Variants in MPRIP observed in about 807,000 individuals in gnomAD.
MPRIP encodes myosin phosphatase Rho-interacting protein.
In MPRIP, 59 loss-of-function variants were observed where a neutral mutation model predicts 234.9. The ratio of observed to expected loss-of-function variants is 0.25; its 90% CI spans 0.20 to 0.31. MPRIP has a LOEUF of 0.31. MPRIP is among the 10% of genes least tolerant of loss of function. MPRIP has a pLI of 1.00. For missense variants in MPRIP, 2,436 were observed against 3,071.0 expected (o/e 0.79, Z 4.89); for synonymous variants, 1,144 against 1,263.9 (o/e 0.91, Z 2.01).
rs1490596748 is a variant in MPRIP, at chr17:17,158,511, C to G, written c.1909C>G (p.Leu637Val). The G allele has an allele frequency of 6.2e-7, 1 of 1,611,406 alleles. No homozygotes were observed. The highest frequency in any genetic ancestry group is 2.2e-5 in the East Asian group (1 of 44,896). Residue 637 changes from leucine to valine, a missense_variant, in exon 14 of 24, where the codon CTG becomes GTG. Around this residue, in one of 4 missense-constraint regions of MPRIP, gnomAD observed 1,998 missense variants for 2,520.3 expected, o/e 0.79. Coordinates refer to ENST00000651222, the MANE Select transcript of MPRIP (RefSeq NM_001364716.4). ...PRPTEKQEAE[L>V]GEPDPEQKRS... ...GCCTACTGAGAAGCAAGAGGCAGAGCTGGGGGAGCCGGACCCTGAGCAGAA... is the reference window on the plus strand; with the variant it reads ...GCCTACTGAGAAGCAAGAGGCAGAGGTGGGGGAGCCGGACCCTGAGCAGAA...
At position 17,136,294 on chromosome 17, in the gene MPRIP, G is replaced by A; in HGVS notation, c.580G>A (p.Glu194Lys). Reference sequence around the variant, plus strand: ...CAGCAGCAGCAGCATCCCCAGTGCTGAGAAAGTCCCCACCACCAAGTCCAC... The same window carrying A: ...CAGCAGCAGCAGCATCCCCAGTGCTAAGAAAGTCCCCACCACCAAGTCCAC... ...SSSSSSIPSA[E>K]KVPTTKSTLW... Residue 194 changes from glutamate to lysine, a missense_variant, in exon 6 of 24, where the codon GAG (glutamate) becomes AAG (lysine). Around this residue, in one of 4 missense-constraint regions of MPRIP, gnomAD observed 31 missense variants for 90.7 expected, o/e 0.34. Coordinates refer to ENST00000651222, the MANE Select transcript of MPRIP (RefSeq NM_001364716.4). 6.2e-7 allele frequency: 1 copy of A among 1,613,412 alleles called. No individual in the cohort carries two copies. Among genetic ancestry groups the A allele is most frequent in the Non-Finnish European group, 8.5e-7 (1 of 1,179,756 alleles).
intron 12 of MPRIP, among the ~76,000 whole-genome samples, chr17:17,151,230 C>T (rs1311848874): frequency 2.6e-5 from 4 of 152,066 alleles, no homozygotes. Flanking sequence ...CCTTCAGTTT[C>T]AAAAATTCAC....
At chr17:17,171,967 T>C (rs142726858) in intron 17 of MPRIP, 102 bp downstream of exon 17, 9 of 1,325,204 alleles carry the variant, frequency 6.8e-6, no homozygotes, top group Middle Eastern at 1.9e-4. Flanking sequence ...GCCTTTTGGC[T>C]GAGATGTAAA....
intron 23 of MPRIP, among the ~76,000 whole-genome samples, chr17:17,183,670 C>T (rs1416313554): frequency 6.6e-6 from 1 of 152,214 alleles, no homozygotes; most frequent in Non-Finnish European, 1.5e-5. Flanking sequence ...TGGAGCTCCC[C>T]CTTCCCTTGA....
At chr17:17,132,927 C>T (rs2090625990) in intron 5 of MPRIP, among the ~76,000 whole-genome samples, 1 of 152,232 alleles carries the variant, frequency 6.6e-6, no homozygotes, top group Non-Finnish European at 1.5e-5. Context: ...AAAAAAATCA[C>T]AGGCAGAATA....
In MPRIP at chr17:17,192,369, TC is replaced by T. The variant is rs2046605597; in HGVS notation, c.*7477del. On this transcript the variant is annotated 3_prime_UTR_variant, in exon 24 of 24. Coordinates refer to ENST00000651222, the MANE Select transcript of MPRIP (RefSeq NM_001364716.4). ...TAGAGCCCCGGGGTAGGGTGGGCCA[TC>T]CACTGTCAGGCCAGTGTCTCAAGAA... 7.8e-6 allele frequency: 1 copy of T among 128,196 alleles called. No homozygotes were observed. Among genetic ancestry groups the T allele is most frequent in the Non-Finnish European group, 1.6e-5 (1 of 64,236 alleles). 7.9% of individuals were successfully genotyped at this position (128,196 alleles called of 1,614,324 possible). A position where few individuals can be genotyped will look rare whatever the true frequency, so the allele number is the denominator to read the frequency against.
intron 3 of MPRIP, among the ~76,000 whole-genome samples, chr17:17,079,781 G>T (rs2089420250): frequency 1.3e-5 from 2 of 152,220 alleles, no homozygotes; most frequent in Admixed American, 6.5e-5. Flanking sequence ...TATTCCCTCT[G>T]GCTCAGTTGC....
intron 3 of MPRIP, among the ~76,000 whole-genome samples, chr17:17,110,074 C>T (rs1469394587): frequency 6.6e-6 from 1 of 152,120 alleles, no homozygotes; most frequent in African/African-American, 2.4e-5. Flanking sequence ...GATCAGTGCC[C>T]TGCCCTGGGC....
At chr17:17,043,229 CT>C (rs2088236261) in intron 1 of MPRIP, among the ~76,000 whole-genome samples, 1 of 152,176 alleles carries the variant, frequency 6.6e-6, no homozygotes, top group African/African-American at 2.4e-5. Context: ...TCAAAAGTGC[CT>C]GGTTTCGCTT....
chr17:17,073,096 T>TC (rs1312195092), intron 1 of MPRIP, among the ~76,000 whole-genome samples: 1 of 152,128 alleles, frequency 6.6e-6, no homozygotes, highest in East Asian at 1.9e-4. Context: ...ACCAACCCCT[T>TC]CCGCCGTCCC....
chr17:17,127,674 A>G (rs1417255537), intron 4 of MPRIP, among the ~76,000 whole-genome samples: 2 of 152,252 alleles, frequency 1.3e-5, no homozygotes, highest in Non-Finnish European at 2.9e-5. Context: ...AAGGAGGCAC[A>G]TGAGTCTAAG....
intron 13 of MPRIP, among the ~76,000 whole-genome samples, chr17:17,157,876 T>A (rs1015390066): frequency 1.3e-5 from 2 of 152,108 alleles, no homozygotes; most frequent in African/African-American, 4.8e-5. Flanking sequence ...ACCTGCTTAT[T>A]AAAAGGTAAG....
chr17:17,188,370 G>A lies in MPRIP; in HGVS notation c.*3476G>A, dbSNP rs1237602749. The A allele has an allele frequency of 6.6e-6, 1 of 152,232 alleles. No homozygotes were observed. Among genetic ancestry groups the A allele is most frequent in the East Asian group, 1.9e-4 (1 of 5,204 alleles). 9.4% of individuals were successfully genotyped at this position (152,232 alleles called of 1,614,324 possible). On this transcript the variant is annotated 3_prime_UTR_variant, in exon 24 of 24. Transcript: ENST00000651222. Reference sequence around the variant, plus strand: ...TAACATCGGAGAGGATCTTGCCTTCGGATTCAGCAAGTATGAAGGCAGAAG... The same window carrying A: ...TAACATCGGAGAGGATCTTGCCTTCAGATTCAGCAAGTATGAAGGCAGAAG...
At chr17:17,060,999 G>A (rs992968043) in intron 1 of MPRIP, among the ~76,000 whole-genome samples, 1 of 152,150 alleles carries the variant, frequency 6.6e-6, no homozygotes, top group African/African-American at 2.4e-5. Context: ...AGTGTTCGTC[G>A]GCCCTGGCAG....
In MPRIP at chr17:17,185,655, T is replaced by C. The variant is rs897617921; in HGVS notation, c.*761T>C. 33 of 415,294 alleles carry C rather than the reference T, an allele frequency of 7.9e-5. No homozygotes were observed. The highest frequency in any genetic ancestry group is 5.6e-4 in the African/African-American group (27 of 48,170). The allele number at this position is 415,294 out of a possible 1,614,324, so 25.7% of individuals were successfully genotyped here. On this transcript the variant is annotated 3_prime_UTR_variant, in exon 24 of 24. Coordinates refer to ENST00000651222, the MANE Select transcript of MPRIP (RefSeq NM_001364716.4). ...TGGTCTTTTCATAACTGCTCGAGAT[T>C]GTTGACCTGCAGCCCAGGTTTCAGA...
chr17:17,114,339 A>G (rs1356737528), intron 3 of MPRIP, among the ~76,000 whole-genome samples: 3 of 147,974 alleles, frequency 2.0e-5, no homozygotes, highest in Non-Finnish European at 4.4e-5. Flanking sequence ...TATGATTTGC[A>G]AGTATTCCCT....
chr17:17,172,723 CCGGGAGGAAATGGAG>C lies in MPRIP; in HGVS notation c.6505_6519del (p.Glu2169_Glu2173del). ...CCATCGAAGCCATGAAGAACGCCCA[CCGGGAGGAAATGGAG>C]CGGGAGCTGGAGAAGAGCCAGCGGT... On this transcript the variant is annotated inframe_deletion, in exon 18 of 24. Transcript: ENST00000651222. The C allele has an allele frequency of 6.2e-7, 1 of 1,611,728 alleles. No homozygotes were observed. The highest frequency in any genetic ancestry group is 2.1e-4 in the Middle Eastern group (1 of 4,764).
chr17:17,185,775 G>A lies in MPRIP; in HGVS notation c.*881G>A. On this transcript the variant is annotated 3_prime_UTR_variant, in exon 24 of 24. Coordinates refer to ENST00000651222, the MANE Select transcript of MPRIP (RefSeq NM_001364716.4). ...GGTTTTTTTTTTACCTTTTGGAAAA[G>A]AAACCGTCACATTGCTTTGGAAAAG... is the stretch of plus-strand genomic sequence containing the variant. 2.9e-6 allele frequency: 1 copy of A among 345,094 alleles called. No individual in the cohort carries two copies. The highest frequency in any genetic ancestry group is 5.7e-6 in the Non-Finnish European group (1 of 176,824). 21.4% of individuals were successfully genotyped at this position (345,094 alleles called of 1,614,324 possible).
intron 1 of MPRIP, among the ~76,000 whole-genome samples, chr17:17,043,846 G>A (rs968765408): frequency 3.3e-5 from 5 of 152,032 alleles, no homozygotes; most frequent in Admixed American, 6.5e-5. Context: ...ATGTGCCTCG[G>A]TACCCTCCCC....
Sources: allele counts gnomAD v4.1 joint callset (sites outside exome capture counted in the v4.1 genomes callset), GRCh38; gene constraint gnomAD v4.1.1; regional missense constraint gnomAD v4.1.1; transcripts MANE v1.5; gene names NCBI Gene and HGNC (gene_info 2026-07-23, HGNC 2026-07-21).